Variants in CADM2 observed in about 807,000 individuals in gnomAD.
CADM2 encodes the protein cell adhesion molecule 2.
In CADM2, 12 loss-of-function variants were observed where a neutral mutation model predicts 49.8. That is an observed-to-expected ratio of 0.24 (90% CI 0.15 to 0.39). The LOEUF is 0.39. CADM2 is among the 10% of genes least tolerant of loss of function. CADM2 has a pLI of 1.00. For missense variants in CADM2, 378 were observed against 492.3 expected (o/e 0.77, Z 2.20); for synonymous variants, 214 against 175.4 (o/e 1.22, Z -1.74).
chr3:85,853,327 G>C (rs1299603021), intron 3 of CADM2, among the ~76,000 whole-genome samples: 1 of 151,360 alleles, frequency 6.6e-6, no homozygotes, highest in East Asian at 2.1e-4. Context: ...AACACAAATA[G>C]AAGAAGAAGG....
chr3:85,144,574 T>G (rs1164461564), intron 1 of CADM2, among the ~76,000 whole-genome samples: 27 of 147,532 alleles, frequency 1.8e-4, no homozygotes, highest in Admixed American at 1.8e-3. Context: ...ATCGCACCAC[T>G]GCACTCCTGC....
At chr3:85,712,011 G>A (rs1174091761) in intron 1 of CADM2, among the ~76,000 whole-genome samples, 1 of 152,080 alleles carries the variant, frequency 6.6e-6, no homozygotes, top group Non-Finnish European at 1.5e-5. Flanking sequence ...TGAGGTACTG[G>A]GAGAATTAGA....
In CADM2 at chr3:86,067,389, A is replaced by G. The variant is rs545212917; in HGVS notation, c.*606A>G. 2.6e-5 allele frequency: 4 copies of G among 152,706 alleles called. No individual in the cohort carries two copies. The highest frequency in any genetic ancestry group is 3.4e-3 in the Middle Eastern group (1 of 294). 9.5% of individuals were successfully genotyped at this position (152,706 alleles called of 1,614,324 possible). A position where few individuals can be genotyped will look rare whatever the true frequency, so the allele number is the denominator to read the frequency against. The stretch of plus-strand genomic sequence containing the variant: ...ACTGGTAAAGCTGTATCGATTTGCT[A>G]TTGAAATATAGTATTTGATACAGGA... On this transcript the variant is annotated 3_prime_UTR_variant, in exon 10 of 10. Coordinates refer to ENST00000383699, the MANE Select transcript of CADM2 (RefSeq NM_001167675.2).
rs563535876 is a variant in CADM2, at chr3:85,183,056, C to T, written c.61+223388C>T. ...CTAAAAAGTATGCTATGCATAATTGCAATTTACACAAGATGCCCTCTGAAT... is the reference window on the plus strand; with the variant it reads ...CTAAAAAGTATGCTATGCATAATTGTAATTTACACAAGATGCCCTCTGAAT... On this transcript the variant is annotated intron_variant, in intron 1 of 9. Coordinates refer to ENST00000383699, the MANE Select transcript of CADM2 (RefSeq NM_001167675.2). 3.3e-5 allele frequency among the ~76,000 whole-genome samples: 5 copies of T among 152,074 alleles called. No individual in the cohort carries two copies. In the East Asian group the frequency reaches 9.6e-4, roughly 29 times the overall value.
intron 1 of CADM2, among the ~76,000 whole-genome samples, chr3:85,242,692 G>T (rs765261432): frequency 1.3e-5 from 2 of 151,748 alleles, no homozygotes; most frequent in Non-Finnish European, 3.0e-5. Context: ...ATTTTTTAAA[G>T]AAATTATGAC....
intron 1 of CADM2, among the ~76,000 whole-genome samples, chr3:85,178,306 G>T (rs952190588): frequency 6.6e-6 from 1 of 151,432 alleles, no homozygotes; most frequent in Non-Finnish European, 1.5e-5. Context: ...TTTTATAATT[G>T]GTACACATTA....
At chr3:85,342,299 A>G (rs766229578) in intron 1 of CADM2, among the ~76,000 whole-genome samples, 16 of 152,242 alleles carry the variant, frequency 1.1e-4, no homozygotes, top group East Asian at 5.8e-4. Context: ...AAATGCATTA[A>G]TTTTTAAGTA....
chr3:85,420,977 G>A (rs906713491), intron 1 of CADM2, among the ~76,000 whole-genome samples: 3 of 151,882 alleles, frequency 2.0e-5, no homozygotes, highest in African/African-American at 7.3e-5. Context: ...GCAATAATGG[G>A]GATGCATAAT....
At chr3:85,113,686 G>GTT (rs5850669) in intron 1 of CADM2, among the ~76,000 whole-genome samples, 6,518 of 136,516 alleles carry the variant, frequency 0.048, 153 homozygotes, top group East Asian at 0.079. Flanking sequence ...TTATTCATTC[G>GTT]TTTTTTTTTT....
chr3:85,080,402 T>G (rs1242708399), intron 1 of CADM2, among the ~76,000 whole-genome samples: 1 of 151,940 alleles, frequency 6.6e-6, no homozygotes, highest in Non-Finnish European at 1.5e-5. Context: ...AAAAAAGGAG[T>G]AGGCATTCAA....
intron 3 of CADM2, among the ~76,000 whole-genome samples, chr3:85,815,902 G>A (rs1390912592): frequency 6.6e-6 from 1 of 151,998 alleles, no homozygotes; most frequent in East Asian, 1.9e-4. Context: ...GCAAAGTTCA[G>A]GATACAAAAT....
chr3:86,014,125 G>T, intron 8 of CADM2: 1 of 1,282,340 alleles, frequency 7.8e-7, no homozygotes, highest in East Asian at 2.4e-5. Context: ...TGGACACGCA[G>T]GCATGATGCT....
chr3:85,107,333 C>T lies in CADM2; in HGVS notation c.61+147665C>T, dbSNP rs558349996. 3.8e-4 allele frequency among the ~76,000 whole-genome samples: 58 copies of T among 152,140 alleles called. 1 individual carries two copies. The highest frequency in any genetic ancestry group is 8.3e-4 in the South Asian group (4 of 4,818). ...TAAAGTACACAATTGGCCAGAAGCA[C>T]GTAATTGGCACATAAAAGGATGGTC... is the stretch of plus-strand genomic sequence containing the variant. On this transcript the variant is annotated intron_variant, in intron 1 of 9. Transcript: ENST00000383699.
intron 8 of CADM2, among the ~76,000 whole-genome samples, chr3:86,038,907 T>C (rs537572318): frequency 8.5e-5 from 13 of 152,218 alleles, no homozygotes; most frequent in Admixed American, 6.5e-5. Context: ...ATCATACATT[T>C]CTGCCTCTAG....
intron 1 of CADM2, among the ~76,000 whole-genome samples, chr3:85,253,661 C>T (rs1434305750): frequency 6.6e-6 from 1 of 152,026 alleles, no homozygotes; most frequent in Non-Finnish European, 1.5e-5. Context: ...TCGCATCCTT[C>T]TCTTTCTTGC....
At chr3:85,957,748 G>A (rs1001939853) in intron 7 of CADM2, among the ~76,000 whole-genome samples, 8 of 151,876 alleles carry the variant, frequency 5.3e-5, no homozygotes, top group East Asian at 2.0e-4. Context: ...TCCTTCTTGG[G>A]TGTTGTTAAT....
chr3:85,371,033 C>T (rs1022418604), intron 1 of CADM2, among the ~76,000 whole-genome samples: 4 of 151,680 alleles, frequency 2.6e-5, no homozygotes, highest in African/African-American at 7.3e-5. Context: ...AGGTGTATAA[C>T]GTGTTGTGTT....
chr3:85,199,918 T>C (rs2041450138), intron 1 of CADM2, among the ~76,000 whole-genome samples: 1 of 152,096 alleles, frequency 6.6e-6, no homozygotes, highest in African/African-American at 2.4e-5. Flanking sequence ...AAAAGTTTAC[T>C]GTATCTTATC....
intron 1 of CADM2, among the ~76,000 whole-genome samples, chr3:85,504,974 G>C (rs960932013): frequency 6.6e-6 from 1 of 152,116 alleles, no homozygotes; most frequent in Non-Finnish European, 1.5e-5. Context: ...CTTCGCGTGC[G>C]GGGCCCGCCA....
Sources: allele counts gnomAD v4.1 joint callset (sites outside exome capture counted in the v4.1 genomes callset), GRCh38; gene constraint gnomAD v4.1.1; transcripts MANE v1.5; gene names NCBI Gene and HGNC (gene_info 2026-07-23, HGNC 2026-07-21).